U2SURP: variants seen among roughly 807,000 people sequenced by gnomAD.
U2SURP encodes the protein U2 snRNP associated SURP domain containing.
Under a neutral mutation model 144.9 loss-of-function variants are expected in U2SURP, and 9 were observed. The ratio of observed to expected loss-of-function variants is 0.06; its 90% CI spans 0.04 to 0.11. The LOEUF is 0.11. Ranked by LOEUF, U2SURP falls within the 10% of genes least tolerant of loss-of-function variation. U2SURP has a pLI of 1.00. For synonymous variants in U2SURP, 408 were observed against 396.8 expected, an observed-to-expected ratio of 1.03 and a Z score of -0.33; for missense variants, 724 against 1,226.7, an observed-to-expected ratio of 0.59 and a Z score of 6.12.
At chr3:143,056,175 A>G in intron 27 of U2SURP, 137 bp from the exon 28 acceptor site, 1 of 865,618 alleles carries the variant, frequency 1.2e-6, no homozygotes, top group Middle Eastern at 3.6e-4. Context: ...ATAGAGTTTA[A>G]ATTTTAGAAG....
At chr3:143,011,729 A>G (rs2108272667) in intron 2 of U2SURP, among the ~76,000 whole-genome samples, 1 of 152,274 alleles carries the variant, frequency 6.6e-6, no homozygotes, top group South Asian at 2.1e-4. Context: ...TACTTCATCA[A>G]GCAGTAAAAA....
intron 24 of U2SURP, among the ~76,000 whole-genome samples, chr3:143,049,573 C>A (rs190953954): frequency 2.4e-4 from 37 of 152,262 alleles, no homozygotes; most frequent in African/African-American, 8.7e-4. Flanking sequence ...GTGCTTTCTA[C>A]CACTTGGAGG....
chr3:143,016,763 A>C (rs530969378), intron 5 of U2SURP, 79 bp from the exon 6 acceptor site: 145 of 1,286,022 alleles, frequency 1.1e-4, no homozygotes, highest in Non-Finnish European at 1.4e-4. Context: ...CATTTTACTA[A>C]TTTTTACTTG....
At chr3:143,035,648 T>C (rs1309506553) in intron 19 of U2SURP, among the ~76,000 whole-genome samples, 1 of 152,188 alleles carries the variant, frequency 6.6e-6, no homozygotes, top group Non-Finnish European at 1.5e-5. Context: ...GCTACTTTGG[T>C]TTCCAGTTTT....
At chr3:143,036,196 A>G (rs1933800139) in intron 20 of U2SURP, 92 bp downstream of exon 20, 3 of 1,325,758 alleles carry the variant, frequency 2.3e-6, no homozygotes, top group South Asian at 2.2e-5. Flanking sequence ...TGTGAGGTAC[A>G]TTTCTTTGTG....
intron 26 of U2SURP, among the ~76,000 whole-genome samples, chr3:143,054,175 T>TA (rs1255145593): frequency 6.6e-6 from 1 of 152,234 alleles, no homozygotes; most frequent in African/African-American, 2.4e-5. Context: ...ACTTGAGTCT[T>TA]AGTCTTATCT....
chr3:143,036,688 G>A (rs192509612), intron 20 of U2SURP, among the ~76,000 whole-genome samples: 214 of 152,138 alleles, frequency 1.4e-3, no homozygotes, highest in African/African-American at 5.0e-3. Context: ...CTTTGTACAT[G>A]TCCTTCCCTC....
At position 143,005,730 on chromosome 3, in the gene U2SURP, T is replaced by G. The variant is rs1177735283; in HGVS notation, c.45+4057T>G. Among the ~76,000 whole-genome samples the G allele has an allele frequency of 2.0e-5, 3 of 152,316 alleles. No individual in the cohort carries two copies. The East Asian group carries it at 5.8e-4, about 29-fold the overall frequency. On this transcript the variant is annotated intron_variant, in intron 1 of 27. Coordinates refer to ENST00000473835, the MANE Select transcript of U2SURP (RefSeq NM_001080415.2). The stretch of plus-strand genomic sequence containing the variant: ...TTTGTTTTTTATTTCTGAAGCTTTG[T>G]TTTCCTTGGAAAGTAAACCTAAGAA...
rs1936257795 is a variant in U2SURP, at chr3:143,014,316, T to A, written c.228T>A (p.Leu76=). 9 of 1,597,734 alleles carry A rather than the reference T, an allele frequency of 5.6e-6. No homozygotes were observed. In the East Asian group the frequency reaches 1.8e-4, roughly 32 times the overall value. Reference sequence around the variant, plus strand: ...GTATGCTTTTTATTTCTTAGCCTCTTCTGGAAAACAAACTTAAAGCATTCA... The same window carrying A: ...GTATGCTTTTTATTTCTTAGCCTCTACTGGAAAACAAACTTAAAGCATTCA... ...DSPHQNLSRP[L]LENKLKAFSI... is the part of the protein sequence containing the mutation. The change falls in exon 4 of 28, where the codon CTT becomes CTA. Residue 76 remains leucine, a synonymous_variant. Transcript: ENST00000473835.
At chr3:143,027,541 T>A (rs573144123) in intron 14 of U2SURP, among the ~76,000 whole-genome samples, 10 of 152,196 alleles carry the variant, frequency 6.6e-5, no homozygotes, top group Non-Finnish European at 1.3e-4. Context: ...TCATACAATA[T>A]TTGTCCTTTT....
At position 143,058,368 on chromosome 3, in the gene U2SURP, G is replaced by T. The variant is rs1935244884; in HGVS notation, c.*1918G>T. On this transcript the variant is annotated 3_prime_UTR_variant, in exon 28 of 28. Transcript: ENST00000473835. ...GGATTGAGTAGAAAATTTTAGGTCA[G>T]TTTTGGGTGCTTATTTGTAATATTT... The T allele has an allele frequency of 6.6e-6, 1 of 151,790 alleles. No individual in the cohort carries two copies. Among genetic ancestry groups the T allele is most frequent in the African/African-American group, 2.4e-5 (1 of 41,394 alleles). The allele number at this position is 151,790 out of a possible 1,614,324, so 9.4% of individuals were successfully genotyped here.
At chr3:143,020,572 A>G (rs766493386) in intron 7 of U2SURP, 27 bp from the exon 8 acceptor site, 10 of 1,567,874 alleles carry the variant, frequency 6.4e-6, no homozygotes, top group South Asian at 4.6e-5. Context: ...TTGGCTCATT[A>G]TAAGTGATTG....
intron 26 of U2SURP, 120 bp downstream of exon 26, chr3:143,053,914 G>A: frequency 1.2e-6 from 1 of 861,904 alleles, no homozygotes; most frequent in South Asian, 2.3e-5. Flanking sequence ...AAACTTGTTT[G>A]GGTCCTGCTT....
chr3:143,027,783 T>G (rs558637946), intron 14 of U2SURP, among the ~76,000 whole-genome samples: 10 of 152,308 alleles, frequency 6.6e-5, no homozygotes, highest in African/African-American at 1.9e-4. Flanking sequence ...GAAGACAGTT[T>G]TAGTAATCAG....
Position 143,021,464 on chromosome 3 carries a change from CT to C in U2SURP, c.770-8del. ...GCAGGTTATAATTCTTTTTTTCTTT[CT>C]GCCCTAGTTCTTGATGATTACGCAC... On this transcript the variant is annotated splice_region_variant and splice_polypyrimidine_tract_variant and intron_variant, in intron 9 of 27. Coordinates refer to ENST00000473835, the MANE Select transcript of U2SURP (RefSeq NM_001080415.2). The C allele has an allele frequency of 1.9e-6, 3 of 1,612,890 alleles. No individual in the cohort carries two copies. The highest frequency in any genetic ancestry group is 2.5e-6 in the Non-Finnish European group (3 of 1,179,542).
chr3:143,024,353 T>TA (rs1192918209), intron 13 of U2SURP: 3 of 372,188 alleles, frequency 8.1e-6, no homozygotes, highest in Non-Finnish European at 1.5e-5. Flanking sequence ...CAGATAACGT[T>TA]ACAGTTTGAC....
intron 1 of U2SURP, among the ~76,000 whole-genome samples, chr3:143,010,005 AAAC>A (rs1936040842): frequency 6.6e-6 from 1 of 152,230 alleles, no homozygotes; most frequent in Non-Finnish European, 1.5e-5. Context: ...TCAAAAATAA[AAAC>A]AGCTCAGTGA....
At chr3:143,044,618 T>C (rs150828442) in intron 24 of U2SURP, among the ~76,000 whole-genome samples, 110 of 152,278 alleles carry the variant, frequency 7.2e-4, no homozygotes, top group African/African-American at 2.5e-3. Flanking sequence ...ATGCTAGCAG[T>C]AGTTTAGCAA....
chr3:143,003,007 C>T (rs886402102), intron 1 of U2SURP, among the ~76,000 whole-genome samples: 2 of 152,164 alleles, frequency 1.3e-5, no homozygotes. Context: ...ATTACTAAAG[C>T]TAGCTACGTT....
Sources: allele counts gnomAD v4.1 joint callset (sites outside exome capture counted in the v4.1 genomes callset), GRCh38; gene constraint gnomAD v4.1.1; transcripts MANE v1.5; gene names NCBI Gene and HGNC (gene_info 2026-07-23, HGNC 2026-07-21).